Variants in CDKAL1 observed in about 807,000 individuals in gnomAD.
CDKAL1 encodes the protein CDKAL1 threonylcarbamoyladenosine tRNA methylthiotransferase.
CDKAL1 carries 32 observed loss-of-function variants against 68.2 expected under a neutral mutation model. The ratio of observed to expected loss-of-function variants is 0.47; its 90% CI spans 0.35 to 0.63. The LOEUF (loss-of-function observed/expected upper bound fraction) is 0.63. Among genes scored for constraint, CDKAL1 ranks in the 30% least tolerant of loss-of-function variants. The pLI, the probability that CDKAL1 is intolerant of heterozygous loss-of-function variation, is 0.00. For missense variants in CDKAL1, 606 were observed against 696.7 expected, an observed-to-expected ratio of 0.87 and a Z score of 1.47; for synonymous variants, 234 against 244.3, an observed-to-expected ratio of 0.96 and a Z score of 0.39.
chr6:21,115,547 G>T (rs1402336015), intron 13 of CDKAL1, among the ~76,000 whole-genome samples: 1 of 152,218 alleles, frequency 6.6e-6, no homozygotes, highest in Non-Finnish European at 1.5e-5. Flanking sequence ...GCAGCAGATT[G>T]TCCAAAGCCA....
intron 4 of CDKAL1, among the ~76,000 whole-genome samples, chr6:20,620,796 A>C (rs1581838520): frequency 1.3e-5 from 2 of 152,194 alleles, no homozygotes; most frequent in East Asian, 3.9e-4. Context: ...TTGAATAGGT[A>C]GTATGGAATG....
intron 13 of CDKAL1, among the ~76,000 whole-genome samples, chr6:21,173,936 G>T (rs1337149545): frequency 1.3e-5 from 2 of 152,130 alleles, no homozygotes; most frequent in Non-Finnish European, 2.9e-5. Flanking sequence ...GCAAGGTGTG[G>T]TGGCACTCAA....
chr6:21,117,516 G>A (rs1005046887), intron 13 of CDKAL1, among the ~76,000 whole-genome samples: 6 of 151,790 alleles, frequency 4.0e-5, no homozygotes, highest in African/African-American at 9.7e-5. Context: ...GGTGGTGGGC[G>A]CCTGTAGCTA....
chr6:20,993,037 G>A lies in CDKAL1; in HGVS notation c.910-7190G>A, dbSNP rs919294462. ...TATTTATATAAAATATCCAGAATAG[G>A]CAAATCTGTAGAGTTAGGAAGTAGA... is the stretch of plus-strand genomic sequence containing the variant. On this transcript the variant is annotated intron_variant, in intron 10 of 15. Coordinates refer to ENST00000274695, the MANE Select transcript of CDKAL1 (RefSeq NM_017774.3). 2.6e-5 allele frequency among the ~76,000 whole-genome samples: 4 copies of A among 152,088 alleles called. No homozygotes were observed. The South Asian group carries it at 8.3e-4, about 31-fold the overall frequency.
chr6:21,201,752 T>C (rs1231373269), intron 15 of CDKAL1, among the ~76,000 whole-genome samples: 1 of 152,180 alleles, frequency 6.6e-6, no homozygotes, highest in African/African-American at 2.4e-5. Context: ...TTTAGTCATG[T>C]GGAGTGAAAA....
chr6:20,954,185 T>C (rs1018110653), intron 9 of CDKAL1, among the ~76,000 whole-genome samples: 1 of 152,190 alleles, frequency 6.6e-6, no homozygotes, highest in Non-Finnish European at 1.5e-5. Context: ...CTTTTTGCTG[T>C]GTTTTTTTCT....
intron 9 of CDKAL1, among the ~76,000 whole-genome samples, chr6:20,914,222 G>T (rs754245333): frequency 6.6e-6 from 1 of 151,870 alleles, no homozygotes; most frequent in Non-Finnish European, 1.5e-5. Context: ...CCTGGGAGGC[G>T]CAGCTTGCAG....
intron 7 of CDKAL1, among the ~76,000 whole-genome samples, chr6:20,759,542 AAAAT>A (rs982068661): frequency 4.6e-5 from 7 of 152,150 alleles, no homozygotes; most frequent in Non-Finnish European, 7.4e-5. Context: ...ACCCTATCTC[AAAAT>A]AAATAAATAA....
chr6:20,589,142 G>A (rs1765491522), intron 4 of CDKAL1, among the ~76,000 whole-genome samples: 1 of 151,974 alleles, frequency 6.6e-6, no homozygotes, highest in Admixed American at 6.6e-5. Flanking sequence ...TTTGCCTTTT[G>A]TTATCAGATT....
In CDKAL1 at chr6:21,043,618, A is replaced by C. The variant is rs550074852; in HGVS notation, c.1056-21430A>C. ...CTGCACTTTTATGGCTCTGAAAGTT[A>C]TTCATCATCCCTATTTTAGTGGCAT... On this transcript the variant is annotated intron_variant, in intron 11 of 15. Transcript: ENST00000274695. 2.0e-5 allele frequency among the ~76,000 whole-genome samples: 3 copies of C among 152,290 alleles called. No homozygotes were observed. In the South Asian group the frequency reaches 6.2e-4, roughly 32 times the overall value.
intron 8 of CDKAL1, among the ~76,000 whole-genome samples, chr6:20,786,324 C>G (rs1775669529): frequency 6.6e-6 from 1 of 152,026 alleles, no homozygotes; most frequent in Non-Finnish European, 1.5e-5. Flanking sequence ...ATGGGCACAG[C>G]AGGATACGGT....
chr6:20,888,038 C>T (rs1761178342), intron 9 of CDKAL1, among the ~76,000 whole-genome samples: 1 of 151,724 alleles, frequency 6.6e-6, no homozygotes, highest in African/African-American at 2.4e-5. Flanking sequence ...AGGTTTGTTA[C>T]TCATGTATAC....
chr6:21,202,739 AAT>A (rs1273021181), intron 15 of CDKAL1, among the ~76,000 whole-genome samples: 1 of 152,180 alleles, frequency 6.6e-6, no homozygotes, highest in Non-Finnish European at 1.5e-5. Context: ...TAAACAAGGA[AAT>A]GTAGTGTCCC....
chr6:20,857,731 A>G (rs1759409219), intron 9 of CDKAL1, among the ~76,000 whole-genome samples: 1 of 152,218 alleles, frequency 6.6e-6, no homozygotes, highest in Non-Finnish European at 1.5e-5. Flanking sequence ...TGATCAAAGT[A>G]GTAAAGAGGA....
chr6:20,958,329 C>T (rs1161067325), intron 10 of CDKAL1, among the ~76,000 whole-genome samples: 1 of 152,178 alleles, frequency 6.6e-6, no homozygotes, highest in Admixed American at 6.5e-5. Context: ...GCTGTTTCTT[C>T]TCATCCTCCT....
chr6:21,198,151 A>C (rs764153892), intron 14 of CDKAL1, 47 bp downstream of exon 14: 1 of 1,297,178 alleles, frequency 7.7e-7, no homozygotes, highest in East Asian at 2.3e-5. Flanking sequence ...AGTGAGAAAG[A>C]GTTCTGAAAG....
chr6:20,691,897 G>A lies in CDKAL1; in HGVS notation c.371+42520G>A, dbSNP rs1770886503. Among the ~76,000 whole-genome samples, 3 of 151,822 alleles carry A rather than the reference G, an allele frequency of 2.0e-5. No individual in the cohort carries two copies. The South Asian group carries it at 6.2e-4, about 32-fold the overall frequency. The stretch of plus-strand genomic sequence containing the variant: ...TTCATTTCTATTTTATATATGTTAT[G>A]TAATATACACAACCAATTTTTCTAC... On this transcript the variant is annotated intron_variant, in intron 5 of 15. Transcript: ENST00000274695.
At chr6:20,800,274 A>G (rs1776312570) in intron 8 of CDKAL1, among the ~76,000 whole-genome samples, 1 of 152,366 alleles carries the variant, frequency 6.6e-6, no homozygotes, top group South Asian at 2.1e-4. Context: ...ACATAAAGAA[A>G]CTAACTCTGG....
chr6:20,563,410 G>C (rs1444473832), intron 4 of CDKAL1, among the ~76,000 whole-genome samples: 2 of 141,086 alleles, frequency 1.4e-5, no homozygotes, highest in Non-Finnish European at 3.2e-5. Flanking sequence ...GCTTTAGGGA[G>C]AGTATTTGAA....
Sources: allele counts gnomAD v4.1 joint callset (sites outside exome capture counted in the v4.1 genomes callset), GRCh38; gene constraint gnomAD v4.1.1; transcripts MANE v1.5; gene names NCBI Gene and HGNC (gene_info 2026-07-23, HGNC 2026-07-21).